Variants in AKAP9 observed in about 807,000 individuals in gnomAD.
The protein encoded by AKAP9 is A-kinase anchoring protein 9.
A neutral mutation model predicts 488.5 loss-of-function variants in AKAP9; 311 were observed. That is an observed-to-expected ratio of 0.64 (90% CI 0.58 to 0.70). The LOEUF (loss-of-function observed/expected upper bound fraction) is 0.70. Among genes scored for constraint, AKAP9 ranks in the 30% least tolerant of loss-of-function variants. The probability of loss-of-function intolerance (pLI) is 0.00; values close to 1 mark genes in which losing one functional copy is unlikely to be tolerated. For missense variants in AKAP9, 4,215 were observed against 4,374.5 expected (o/e 0.96, Z 1.03); for synonymous variants, 1,462 against 1,483.5 (o/e 0.99, Z 0.33).
intron 28 of AKAP9, among the ~76,000 whole-genome samples, chr7:92,072,826 T>C (rs748452564): frequency 1.3e-5 from 2 of 152,216 alleles, no homozygotes; most frequent in African/African-American, 4.8e-5. Context: ...TAGACAGTAC[T>C]AAGTATTTAA....
intron 46 of AKAP9, 133 bp from the exon 47 acceptor site, chr7:92,105,545 T>C: frequency 1.4e-6 from 1 of 736,088 alleles, no homozygotes; most frequent in Non-Finnish European, 2.4e-6. Context: ...GGCATTGACA[T>C]AGTTTAACTG....
At position 92,061,383 on chromosome 7, in the gene AKAP9, G is replaced by A. The variant is rs200844952; in HGVS notation, c.5725G>A (p.Ala1909Thr). The A allele has an allele frequency of 7.0e-5, 113 of 1,612,786 alleles. 1 individual carries two copies. In the East Asian group the frequency reaches 2.1e-3, roughly 30 times the overall value. Residue 1909 changes from alanine (A) to threonine (T), a missense_variant, in exon 23 of 50, where the codon GCC (alanine) becomes ACC (threonine). By Grantham distance (58) the Ala-to-Thr change is moderately conservative (BLOSUM62 0). This residue lies in a region of AKAP9 where 2,361 missense variants were observed against 2,430.0 expected (regional missense o/e 0.97). Transcript: ENST00000356239. ...LRERLHEESR[A>T]REQLAVELSK... ...AGAGCGCCTTCATGAGGAGTCCAGG[G>A]CCAGAGAACAGCTAGCTGTGGAGCT...
At chr7:91,954,142 T>A (rs2130481456) in intron 1 of AKAP9, among the ~76,000 whole-genome samples, 1 of 152,274 alleles carries the variant, frequency 6.6e-6, no homozygotes, top group South Asian at 2.1e-4. Flanking sequence ...CTCCATCATT[T>A]TTTCTCTCAC....
At chr7:91,956,216 C>T (rs1179859991) in intron 1 of AKAP9, among the ~76,000 whole-genome samples, 8 of 151,454 alleles carry the variant, frequency 5.3e-5, no homozygotes, top group East Asian at 2.0e-4. Flanking sequence ...CTGGCTAGCA[C>T]GGTGAAACCC....
In AKAP9 at chr7:92,001,868, A is replaced by G. The variant is rs1346779327; in HGVS notation, c.1951A>G (p.Asn651Asp). The G allele has an allele frequency of 6.2e-7, 1 of 1,613,296 alleles. No homozygotes were observed. The highest frequency in any genetic ancestry group is 8.5e-7 in the Non-Finnish European group (1 of 1,179,452). The change falls in exon 8 of 50, where the codon AAT becomes GAT. Residue 651 changes from asparagine to aspartate, a missense_variant. By Grantham distance (23) the Asn-to-Asp change is conservative. Coordinates refer to ENST00000356239, the MANE Select transcript of AKAP9 (RefSeq NM_005751.5). Reference protein sequence around the residue: ...KEDLEIEHRINIEKLKDNLGI... With the variant: ...KEDLEIEHRIDIEKLKDNLGI... ...AGATTTAGAAATTGAACATCGAATA[A>G]ATATTGAAAAACTTAAAGATAATTT...
intron 23 of AKAP9, 138 bp downstream of exon 23, chr7:92,061,560 A>T (rs1188969957): frequency 7.3e-6 from 4 of 545,990 alleles, no homozygotes; most frequent in African/African-American, 6.2e-5. Context: ...TTATCTTCAG[A>T]GTTCCTCCAA....
chr7:92,074,558 C>G (rs1416917691), intron 28 of AKAP9, among the ~76,000 whole-genome samples: 1 of 152,182 alleles, frequency 6.6e-6, no homozygotes, highest in Non-Finnish European at 1.5e-5. Context: ...AAGATACATG[C>G]ACACATAGGT....
At chr7:92,012,724 C>A in intron 9 of AKAP9, 82 bp downstream of exon 9, 3 of 1,164,712 alleles carry the variant, frequency 2.6e-6, no homozygotes, top group Non-Finnish European at 2.5e-6. Context: ...TTTTCCTTGT[C>A]ATAGAACCCA....
In AKAP9 at chr7:92,042,195, G is replaced by C. The variant is rs750169072; in HGVS notation, c.5058+9G>C. 9 of 1,613,652 alleles carry C rather than the reference G, an allele frequency of 5.6e-6. No homozygotes were observed. In the African/African-American group the frequency reaches 9.3e-5, roughly 17 times the overall value. ...GCAGTACGCAAACACAGGTAGTATG[G>C]ACTTTGCCCCACCTAGGAGCAATGG... On this transcript the variant is annotated intron_variant, in intron 19 of 49. Transcript: ENST00000356239.
At position 92,002,911 on chromosome 7, in the gene AKAP9, AATC is replaced by A. The variant is rs1455168198; in HGVS notation, c.2997_2999del (p.Ile1001del). ...TTTCATTGAGATGTAGAGAGCTAGAAATCATTATTAACCACAACAGGGCAGAAA... is the reference window on the plus strand; with the variant it reads ...TTTCATTGAGATGTAGAGAGCTAGAAATTATTAACCACAACAGGGCAGAAA... On this transcript the variant is annotated inframe_deletion, in exon 8 of 50. Coordinates refer to ENST00000356239, the MANE Select transcript of AKAP9 (RefSeq NM_005751.5). 1.2e-6 allele frequency: 2 copies of A among 1,611,810 alleles called. No homozygotes were observed. Among genetic ancestry groups the A allele is most frequent in the African/African-American group, 2.7e-5 (2 of 74,702 alleles).
chr7:92,020,486 T>C (rs1399963832), intron 12 of AKAP9, among the ~76,000 whole-genome samples: 2 of 152,238 alleles, frequency 1.3e-5, no homozygotes, highest in African/African-American at 4.8e-5. Flanking sequence ...GCCTTGCTTA[T>C]CGCGTTTCTC....
At chr7:92,069,832 G>A (rs1007576832) in intron 26 of AKAP9, among the ~76,000 whole-genome samples, 198 bp from the exon 27 acceptor site, 1 of 152,074 alleles carries the variant, frequency 6.6e-6, no homozygotes, top group Non-Finnish European at 1.5e-5. Flanking sequence ...AGTGCATGAC[G>A]ATCGTGCCTG....
intron 21 of AKAP9, 102 bp downstream of exon 21, chr7:92,045,315 TC>T: frequency 8.8e-7 from 1 of 1,142,360 alleles, no homozygotes; most frequent in Non-Finnish European, 1.3e-6. Flanking sequence ...ATAAGTATTT[TC>T]CAGCAAATGG....
rs777168741 is a variant in AKAP9 at position 92,069,989 on chromosome 7, A to C, written c.6331-41A>C. 1.7e-5 allele frequency: 27 copies of C among 1,587,990 alleles called. No individual in the cohort carries two copies. In the East Asian group the frequency reaches 5.8e-4, roughly 34 times the overall value. On this transcript the variant is annotated intron_variant, in intron 26 of 49. Coordinates refer to ENST00000356239, the MANE Select transcript of AKAP9 (RefSeq NM_005751.5). ...TCAACCTATACTAACTAGCTTGCTG[A>C]AATTTTTTTTAAATTAAATTTTTTG...
intron 44 of AKAP9, among the ~76,000 whole-genome samples, chr7:92,100,260 A>G (rs1212032385): frequency 2.0e-5 from 3 of 152,204 alleles, no homozygotes; most frequent in Non-Finnish European, 2.9e-5. Flanking sequence ...TCTTCATTTA[A>G]TTATTAGTTA....
intron 3 of AKAP9, among the ~76,000 whole-genome samples, chr7:91,989,706 G>A (rs1360327905): frequency 6.6e-6 from 1 of 151,926 alleles, no homozygotes; most frequent in Non-Finnish European, 1.5e-5. Flanking sequence ...AACTCCATAA[G>A]TCATTTAGGC....
intron 26 of AKAP9, among the ~76,000 whole-genome samples, chr7:92,068,919 G>A (rs1398629560): frequency 3.3e-5 from 5 of 151,950 alleles, no homozygotes; most frequent in Non-Finnish European, 7.4e-5. Flanking sequence ...ATCACATGTC[G>A]CTTTTTTTAA....
At chr7:92,051,991 A>G (rs1223659675) in intron 21 of AKAP9, among the ~76,000 whole-genome samples, 2 of 152,146 alleles carry the variant, frequency 1.3e-5, no homozygotes, top group East Asian at 1.9e-4. Flanking sequence ...TTTTTTTAAC[A>G]TAAGAAATAA....
In AKAP9 at chr7:92,029,967, A is replaced by G; in HGVS notation, c.4221A>G (p.Lys1407=). ...CAATGTACCCTGGAAGTTGTGTGAAAAAGAATATTGATGGTACAATAGAGG... is the reference window on the plus strand; with the variant it reads ...CAATGTACCCTGGAAGTTGTGTGAAGAAGAATATTGATGGTACAATAGAGG... ...QRTMYPGSCV[K]KNIDGTIEFS... is the part of the protein sequence containing the mutation. Residue 1407 remains lysine (K), a synonymous_variant, in exon 15 of 50, where the codon AAA becomes AAG. Transcript: ENST00000356239. The G allele has an allele frequency of 6.2e-7, 1 of 1,610,876 alleles. No homozygotes were observed. The highest frequency in any genetic ancestry group is 8.5e-7 in the Non-Finnish European group (1 of 1,177,356).
Sources: gnomAD v4.1 joint callset for allele counts (sites outside exome capture counted in the v4.1 genomes callset) on GRCh38, gnomAD v4.1.1 for gene constraint, gnomAD v4.1.1 regional missense constraint, MANE v1.5 for transcripts, NCBI Gene and HGNC (gene_info 2026-07-23, HGNC 2026-07-21) for gene names.